Variants in GART observed in about 807,000 individuals in gnomAD.
GART encodes the protein trifunctional purine biosynthetic protein adenosine-3.
Under a neutral mutation model 107.2 loss-of-function variants are expected in GART, and 43 were observed. That is an observed-to-expected ratio of 0.40 (90% confidence interval 0.31 to 0.52). The LOEUF (loss-of-function observed/expected upper bound fraction) is 0.52. Ranked by LOEUF, GART falls within the 20% of genes least tolerant of loss-of-function variation. GART has a pLI of 0.52. For missense variants in GART, 1,107 were observed against 1,206.5 expected, an observed-to-expected ratio of 0.92 and a Z score of 1.22; for synonymous variants, 434 against 427.0, an observed-to-expected ratio of 1.02 and a Z score of -0.20.
At chr21:33,538,583 A>G (rs2085347911) in intron 2 of GART, among the ~76,000 whole-genome samples, 1 of 152,174 alleles carries the variant, frequency 6.6e-6, no homozygotes, top group African/African-American at 2.4e-5. Flanking sequence ...AAAAATACAC[A>G]ACAAAATGCC....
At chr21:33,531,316 CGATT>C (rs1021882275) in intron 6 of GART, 169 bp downstream of exon 6, 9 of 639,976 alleles carry the variant, frequency 1.4e-5, no homozygotes, top group Non-Finnish European at 2.5e-5. Flanking sequence ...AACAGAGGAT[CGATT>C]ATTTTTTCAT....
At chr21:33,505,340 G>A (rs770391714) in intron 20 of GART, among the ~76,000 whole-genome samples, 7 of 152,192 alleles carry the variant, frequency 4.6e-5, no homozygotes, top group Non-Finnish European at 1.0e-4. Context: ...AAAGTAAATG[G>A]ATAGAGAGCA....
intron 5 of GART, chr21:33,531,907 T>C (rs1403391183): frequency 7.5e-6 from 2 of 264,978 alleles, no homozygotes; most frequent in South Asian, 6.9e-5. Context: ...GTAATAACTA[T>C]ACTAAAGCAT....
chr21:33,532,652 C>G (rs747509155), intron 4 of GART, among the ~76,000 whole-genome samples, 196 bp from the exon 5 acceptor site: 6 of 152,214 alleles, frequency 3.9e-5, no homozygotes, highest in Non-Finnish European at 8.8e-5. Context: ...TAGTTCCAAT[C>G]ATACAGTACC....
intron 17 of GART, 68 bp downstream of exon 17, chr21:33,511,184 A>T (rs1460654535): frequency 2.0e-6 from 3 of 1,535,668 alleles, no homozygotes; most frequent in Non-Finnish European, 2.7e-6. Flanking sequence ...CTTGTGAGGC[A>T]AGGCTGAGGT....
upstream of GART, chr21:33,542,259 G>A (rs2085456985): frequency 6.6e-6 from 1 of 152,280 alleles, no homozygotes; most frequent in Non-Finnish European, 1.5e-5. Context: ...GGCGCTGCCT[G>A]ACTGCTCCCC....
chr21:33,527,148 T>C (rs1047561889), intron 10 of GART, among the ~76,000 whole-genome samples: 8 of 152,232 alleles, frequency 5.3e-5, no homozygotes, highest in African/African-American at 1.9e-4. Flanking sequence ...ACTGCCTGCC[T>C]AGCTGCCATG....
chr21:33,539,237 C>T lies in GART; in HGVS notation c.79G>A (p.Val27Ile), dbSNP rs544849476. ...CCTGGGGCAACCAACACTTGTTTGA[C>T]ATGATGAGACTGTGCAAGTTTCCAG... The part of the protein sequence containing the change: ...LAWKLAQSHH[V>I]KQVLVAPGNA... The change falls in exon 2 of 22, where the codon GTC becomes ATC. Residue 27 changes from valine to isoleucine, a missense_variant. By Grantham distance (29) the Val-to-Ile change is conservative. Transcript: ENST00000381815. 6.2e-6 allele frequency: 10 copies of T among 1,614,060 alleles called. No homozygotes were observed. The highest frequency in any genetic ancestry group is 4.4e-5 in the South Asian group (4 of 91,090).
chr21:33,506,310 A>C lies in GART; in HGVS notation c.2453-206T>G, dbSNP rs372076559. On this transcript the variant is annotated intron_variant, in intron 18 of 21. Transcript: ENST00000381815. ...AGGAGCCCACCACCACACCTGGCTA[A>C]TTTTTGTATTTTTAGTAGAGATGGG... 3.1e-3 allele frequency among the ~76,000 whole-genome samples: 468 copies of C among 152,072 alleles called. 1 individual carries two copies. Among genetic ancestry groups the C allele is most frequent in the Middle Eastern group, 0.01 (3 of 294 alleles).
intron 11 of GART, 53 bp from the exon 12 acceptor site, chr21:33,522,335 T>G: frequency 6.3e-6 from 8 of 1,269,244 alleles, no homozygotes; most frequent in Non-Finnish European, 8.0e-6. Context: ...ATTATTTTAA[T>G]CTTAAAATAT....
chr21:33,527,533 C>T (rs1219334125), intron 10 of GART, among the ~76,000 whole-genome samples: 1 of 151,892 alleles, frequency 6.6e-6, no homozygotes, highest in East Asian at 1.9e-4. Flanking sequence ...AAGGAAACCC[C>T]CCAAATACAC....
chr21:33,530,632 T>G, intron 7 of GART, 127 bp downstream of exon 7: 5 of 974,726 alleles, frequency 5.1e-6, no homozygotes, highest in Non-Finnish European at 6.8e-6. Flanking sequence ...CTCATTTAAT[T>G]GCTGATTAGT....
At position 33,522,247 on chromosome 21, in the gene GART, G is replaced by A. The variant is rs1423110772; in HGVS notation, c.1334C>T (p.Ala445Val). The A allele has an allele frequency of 1.2e-6, 2 of 1,613,766 alleles. No homozygotes were observed. The highest frequency in any genetic ancestry group is 1.3e-5 in the African/African-American group (1 of 74,920). ...TTTCTTGACCAGCATATTTCCAGCT[G>A]CGATATCTACTCCAGATTCCTTGTA... is the stretch of plus-strand genomic sequence containing the variant. ...LTYKESGVDI[A>V]AGNMLVKKIQ... The change falls in exon 12 of 22, where the codon GCA becomes GTA. Residue 445 changes from alanine (A) to valine (V), a missense_variant. Transcript: ENST00000381815.
chr21:33,542,859 C>G (rs2085480440), upstream of GART: 1 of 583,898 alleles, frequency 1.7e-6, no homozygotes, highest in Non-Finnish European at 3.1e-6. Flanking sequence ...ACATGGCGGA[C>G]ATAGTCGTGC....
In GART at chr21:33,540,370, CAT is replaced by C. The variant is rs565451437; in HGVS notation, c.-41-1016_-41-1015del. On this transcript the variant is annotated intron_variant, in intron 1 of 21. Coordinates refer to ENST00000381815, the MANE Select transcript of GART (RefSeq NM_000819.5). Reference sequence around the variant, plus strand: ...TAATTTGAATTTCATAAAATTTTCACATGTCACAAAAACCTCATTTATTTCCT... The same window carrying C: ...TAATTTGAATTTCATAAAATTTTCACGTCACAAAAACCTCATTTATTTCCT... Among the ~76,000 whole-genome samples, 539 of 152,352 alleles carry C rather than the reference CAT, an allele frequency of 3.5e-3. 3 individuals carry two copies. The highest frequency in any genetic ancestry group is 1.0e-2 in the African/African-American group (414 of 41,580).
At chr21:33,539,147 C>T (rs1318215169) in intron 2 of GART, 24 bp downstream of exon 2, 1 of 1,600,898 alleles carries the variant, frequency 6.2e-7, no homozygotes, top group Admixed American at 1.7e-5. Context: ...ATAACTATTA[C>T]TCCCCACTTT....
chr21:33,539,420 C>CA (rs760433067), intron 1 of GART, 64 bp from the exon 2 acceptor site: 126 of 1,305,232 alleles, frequency 9.7e-5, no homozygotes, highest in Middle Eastern at 1.9e-4. Flanking sequence ...GGGACGGGCA[C>CA]AGTGGCTCAT....
chr21:33,539,389 G>A (rs1380868725), intron 1 of GART, 33 bp from the exon 2 acceptor site: 1 of 1,525,430 alleles, frequency 6.6e-7, no homozygotes, highest in Non-Finnish European at 8.8e-7. Context: ...TATATCTTAG[G>A]ATGCACATTT....
At chr21:33,518,984 T>G in intron 14 of GART, 1 of 340,992 alleles carries the variant, frequency 2.9e-6, no homozygotes, top group East Asian at 7.5e-5. Flanking sequence ...TACTCACCCC[T>G]TCAATACCAG....
Sources: gnomAD v4.1 joint callset for allele counts (sites outside exome capture counted in the v4.1 genomes callset) on GRCh38, gnomAD v4.1.1 for gene constraint, MANE v1.5 for transcripts, NCBI Gene and HGNC (gene_info 2026-07-23, HGNC 2026-07-21) for gene names.